The following ANAPC10 variants were observed in gnomAD, a reference collection of about 807,000 sequenced individuals.
ANAPC10 encodes the protein anaphase-promoting complex subunit 10.
Under a neutral mutation model 22.0 loss-of-function variants are expected in ANAPC10, and 12 were observed. The ratio of observed to expected loss-of-function variants is 0.55; its 90% confidence interval spans 0.35 to 0.88. ANAPC10 has a LOEUF of 0.88. ANAPC10 is among the 40% of genes least tolerant of loss of function. The pLI is 0.01. For missense variants in ANAPC10, 188 were observed against 220.9 expected, an observed-to-expected ratio of 0.85 and a Z score of 0.94; for synonymous variants, 65 against 69.5, an observed-to-expected ratio of 0.94 and a Z score of 0.32.
intron 4 of ANAPC10, among the ~76,000 whole-genome samples, chr4:145,038,313 G>A (rs1428299524): frequency 6.6e-6 from 1 of 152,082 alleles, no homozygotes; most frequent in Non-Finnish European, 1.5e-5. Context: ...AGGAGTTCAA[G>A]ACCAGCCTGG....
chr4:145,029,909 C>T (rs990190978), intron 4 of ANAPC10, among the ~76,000 whole-genome samples: 12 of 152,288 alleles, frequency 7.9e-5, no homozygotes, highest in African/African-American at 2.6e-4. Flanking sequence ...CCTATAATTG[C>T]TCTTCTCTGT....
chr4:145,004,150 T>C (rs1732992229), intron 4 of ANAPC10, among the ~76,000 whole-genome samples: 1 of 152,148 alleles, frequency 6.6e-6, no homozygotes, highest in African/African-American at 2.4e-5. Flanking sequence ...TTGGATGTTG[T>C]TGGAGTATAG....
intron 4 of ANAPC10, among the ~76,000 whole-genome samples, chr4:145,011,390 A>C (rs1034945046): frequency 6.6e-6 from 1 of 151,706 alleles, no homozygotes; most frequent in Non-Finnish European, 1.5e-5. Flanking sequence ...ATAAAATAAA[A>C]TTCAAGAGGA....
At chr4:145,042,485 C>T (rs1273815449) in intron 4 of ANAPC10, among the ~76,000 whole-genome samples, 3 of 152,220 alleles carry the variant, frequency 2.0e-5, no homozygotes, top group East Asian at 3.9e-4. Context: ...TCCTTCTTCA[C>T]ATATATCTTC....
At chr4:145,052,231 T>G (rs1579043147) in intron 4 of ANAPC10, among the ~76,000 whole-genome samples, 1 of 152,160 alleles carries the variant, frequency 6.6e-6, no homozygotes, top group Non-Finnish European at 1.5e-5. Flanking sequence ...TATTGTATAC[T>G]TGAAAATTGC....
At chr4:145,075,769 T>C (rs1745103751) in intron 3 of ANAPC10, among the ~76,000 whole-genome samples, 1 of 152,172 alleles carries the variant, frequency 6.6e-6, no homozygotes, top group African/African-American at 2.4e-5. Context: ...CAGGGAGTGC[T>C]GCTTGGAGAG....
At chr4:145,052,567 G>A (rs1162865988) in intron 4 of ANAPC10, among the ~76,000 whole-genome samples, 1 of 151,930 alleles carries the variant, frequency 6.6e-6, no homozygotes, top group African/African-American at 2.4e-5. Flanking sequence ...TAACTATATT[G>A]ATTTCTATTG....
intron 3 of ANAPC10, among the ~76,000 whole-genome samples, chr4:145,066,838 G>A (rs952800839): frequency 6.6e-6 from 1 of 151,578 alleles, no homozygotes; most frequent in African/African-American, 2.4e-5. Context: ...TAGTAGGAGG[G>A]AACAGTTGAA....
At chr4:144,996,238 C>T (rs896804299) in intron 4 of ANAPC10, among the ~76,000 whole-genome samples, 2 of 152,198 alleles carry the variant, frequency 1.3e-5, no homozygotes, top group Non-Finnish European at 2.9e-5. Flanking sequence ...ATGACAGAAA[C>T]ACTCTACCAA....
intron 3 of ANAPC10, among the ~76,000 whole-genome samples, chr4:145,066,950 A>G (rs2126487829): frequency 6.6e-6 from 1 of 152,308 alleles, no homozygotes; most frequent in Non-Finnish European, 1.5e-5. Context: ...AGTTTACAGT[A>G]ATAGGTAGGT....
intron 4 of ANAPC10, among the ~76,000 whole-genome samples, chr4:145,057,360 T>C (rs1325860910): frequency 6.6e-6 from 1 of 152,182 alleles, no homozygotes; most frequent in Non-Finnish European, 1.5e-5. Context: ...AGTCCCTATC[T>C]GCCTAGATAA....
chr4:145,086,731 G>C (rs1746955809), intron 2 of ANAPC10, among the ~76,000 whole-genome samples: 1 of 151,806 alleles, frequency 6.6e-6, no homozygotes, highest in South Asian at 2.1e-4. Flanking sequence ...CTACCCACTA[G>C]ATGCCAATAG....
intron 2 of ANAPC10, among the ~76,000 whole-genome samples, chr4:145,094,018 C>T (rs112438204): frequency 0.013 from 1,987 of 152,286 alleles, 19 homozygotes; most frequent in Non-Finnish European, 0.019. Flanking sequence ...AGAAACCAAT[C>T]CTGACACAAT....
chr4:145,091,526 C>T (rs550425617), intron 2 of ANAPC10, among the ~76,000 whole-genome samples: 7 of 151,932 alleles, frequency 4.6e-5, no homozygotes, highest in South Asian at 4.2e-4. Context: ...TTTTAAAAAA[C>T]GGGGGGAGGG....
intron 4 of ANAPC10, among the ~76,000 whole-genome samples, chr4:145,035,679 A>G (rs34139411): frequency 0.016 from 2,406 of 152,336 alleles, 67 homozygotes; most frequent in African/African-American, 0.055. Flanking sequence ...GCCTGTGCTC[A>G]TAGGTTCCAG....
At chr4:145,093,442 T>C (rs1392732675) in intron 2 of ANAPC10, among the ~76,000 whole-genome samples, 2 of 134,668 alleles carry the variant, frequency 1.5e-5, no homozygotes, top group East Asian at 4.3e-4. Context: ...TGGCACTCAA[T>C]AAAAAAAAAA....
intron 4 of ANAPC10, among the ~76,000 whole-genome samples, chr4:145,056,627 C>T (rs188697370): frequency 4.3e-4 from 66 of 152,150 alleles, no homozygotes; most frequent in Non-Finnish European, 7.8e-4. Context: ...TGTGGAAATC[C>T]CCGACCCAAA....
intron 4 of ANAPC10, among the ~76,000 whole-genome samples, chr4:145,034,215 G>A (rs373715273): frequency 3.3e-5 from 5 of 151,968 alleles, no homozygotes; most frequent in Non-Finnish European, 5.9e-5. Flanking sequence ...TGCCTGTGTC[G>A]GTGTTACCAA....
At chr4:144,996,828 T>G (rs573164405) in intron 4 of ANAPC10, among the ~76,000 whole-genome samples, 65 of 152,148 alleles carry the variant, frequency 4.3e-4, no homozygotes, top group Non-Finnish European at 8.1e-4. Context: ...GCAAAGAAGC[T>G]AAAAACCTTG....
Sources: gnomAD v4.1 joint callset for allele counts (sites outside exome capture counted in the v4.1 genomes callset) on GRCh38, gnomAD v4.1.1 for gene constraint, MANE v1.5 for transcripts, NCBI Gene and HGNC (gene_info 2026-07-23, HGNC 2026-07-21) for gene names.